SLIT3: variants seen among roughly 807,000 people sequenced by gnomAD.
SLIT3 encodes the protein slit homolog 3 protein.
A neutral mutation model predicts 184.0 loss-of-function variants in SLIT3; 68 were observed. The ratio of observed to expected loss-of-function variants is 0.37; its 90% CI spans 0.30 to 0.45. SLIT3 has a LOEUF of 0.45. Ranked by LOEUF, SLIT3 falls within the 20% of genes least tolerant of loss-of-function variation. The probability of loss-of-function intolerance (pLI) is 1.00; values close to 1 mark genes in which losing one functional copy is unlikely to be tolerated. For synonymous variants in SLIT3, 831 were observed against 828.6 expected, an observed-to-expected ratio of 1.00 and a Z score of -0.05; for missense variants, 1,707 against 2,026.0, an observed-to-expected ratio of 0.84 and a Z score of 3.02.
At chr5:169,021,020 G>C (rs2113489527) in intron 4 of SLIT3, among the ~76,000 whole-genome samples, 1 of 152,324 alleles carries the variant, frequency 6.6e-6, no homozygotes, top group South Asian at 2.1e-4. Flanking sequence ...GTTCTGAATA[G>C]AGTGTGACAG....
chr5:169,274,065 C>T (rs932153402), intron 1 of SLIT3, among the ~76,000 whole-genome samples: 6 of 152,164 alleles, frequency 3.9e-5, no homozygotes, highest in African/African-American at 9.7e-5. Context: ...ATGGGGTTCC[C>T]GGACCAGCAG....
chr5:169,256,104 T>C (rs1278612638), intron 1 of SLIT3, among the ~76,000 whole-genome samples: 1 of 152,148 alleles, frequency 6.6e-6, no homozygotes, highest in Non-Finnish European at 1.5e-5. Context: ...TATACTATTT[T>C]TTTTTTATCT....
rs747191242 is a variant in SLIT3 at position 168,669,958 on chromosome 5, G to A, written c.4161C>T (p.Thr1387=). ...CCTCGGCACACTTGCACATGTATGAGGTCCCAGTTGCCACACATTTTCCAT... is the reference window on the plus strand; with the variant it reads ...CCTCGGCACACTTGCACATGTATGAAGTCCCAGTTGCCACACATTTTCCAT... The part of the protein sequence containing the change: ...CHHGKCVATG[T]SYMCKCAEGY... Residue 1387 remains threonine, a synonymous_variant, in exon 35 of 36, where the codon ACC becomes ACT. Coordinates refer to ENST00000519560, the MANE Select transcript of SLIT3 (RefSeq NM_003062.4). 1.2e-6 allele frequency: 2 copies of A among 1,614,162 alleles called. No individual in the cohort carries two copies.
intron 4 of SLIT3, among the ~76,000 whole-genome samples, chr5:169,128,128 G>A (rs1310700262): frequency 6.6e-6 from 1 of 151,276 alleles, no homozygotes; most frequent in Non-Finnish European, 1.5e-5. Flanking sequence ...TTGAATGAAA[G>A]CATATTAAAA....
Position 169,300,801 on chromosome 5 carries a change from G to T in SLIT3, c.-92C>A. On this transcript the variant is annotated 5_prime_UTR_variant, in exon 1 of 36. Transcript: ENST00000519560. This position sits in a 1 kb window ranked among gnomAD's most constrained non-coding sequence, Gnocchi z 4.1. ...GCGCGCGGGGAGCGCGGGCGGCCTG[G>T]GGAGCGGGCGGCGGAGTTAGCGCGG... 8.3e-7 allele frequency: 1 copy of T among 1,209,512 alleles called. No individual in the cohort carries two copies. Among genetic ancestry groups the T allele is most frequent in the Middle Eastern group, 3.2e-4 (1 of 3,092 alleles). 74.9% of individuals were successfully genotyped at this position (1,209,512 alleles called of 1,614,324 possible).
chr5:168,952,642 G>A (rs201251017), intron 4 of SLIT3, among the ~76,000 whole-genome samples: 1 of 150,350 alleles, frequency 6.7e-6, no homozygotes, highest in African/African-American at 2.5e-5. Context: ...AAGAAAGAAA[G>A]GGCAAGGGTA....
chr5:168,786,571 C>T (rs910226650), intron 11 of SLIT3, among the ~76,000 whole-genome samples: 7 of 152,232 alleles, frequency 4.6e-5, no homozygotes, highest in South Asian at 2.1e-4. Flanking sequence ...ACTTTCTATC[C>T]GCTTTTCCTA....
chr5:168,735,337 A>C (rs556144064), intron 20 of SLIT3, among the ~76,000 whole-genome samples: 1 of 152,180 alleles, frequency 6.6e-6, no homozygotes, highest in Non-Finnish European at 1.5e-5. Flanking sequence ...ATGGAGAGGG[A>C]GGGAAGCCAC....
At chr5:168,857,021 A>G (rs1021572563) in intron 5 of SLIT3, among the ~76,000 whole-genome samples, 4 of 151,904 alleles carry the variant, frequency 2.6e-5, no homozygotes, top group Non-Finnish European at 4.4e-5. Flanking sequence ...GTTTTCCTTC[A>G]TGCTGTCTCT....
At chr5:169,212,023 G>T (rs1296943351) in intron 3 of SLIT3, among the ~76,000 whole-genome samples, 1 of 152,180 alleles carries the variant, frequency 6.6e-6, no homozygotes, top group Non-Finnish European at 1.5e-5. Context: ...GTGTATCATT[G>T]ATGGATATTT....
At chr5:168,690,593 C>T (rs1274535694) in intron 29 of SLIT3, among the ~76,000 whole-genome samples, 1 of 152,202 alleles carries the variant, frequency 6.6e-6, no homozygotes, top group Non-Finnish European at 1.5e-5. Context: ...GTATCCCATA[C>T]TTCGTAAAGA....
rs943919845 is a variant in SLIT3, at chr5:168,666,218, G to A, written c.*236C>T. On this transcript the variant is annotated 3_prime_UTR_variant, in exon 36 of 36. Transcript: ENST00000519560. ...CTTGGTAAAAATAACTCACTATATG[G>A]TACATATACGCAGATGGTGTAATAT... is the stretch of plus-strand genomic sequence containing the variant. The A allele has an allele frequency of 1.5e-5, 6 of 387,822 alleles. No homozygotes were observed. The highest frequency in any genetic ancestry group is 4.1e-5 in the Admixed American group (1 of 24,432). The allele number at this position is 387,822 out of a possible 1,614,324, so 24.0% of individuals were successfully genotyped here. A position where few individuals can be genotyped will look rare whatever the true frequency, so the allele number is the denominator to read the frequency against.
At chr5:168,761,324 C>G (rs74372208) in intron 15 of SLIT3, among the ~76,000 whole-genome samples, 1,916 of 152,138 alleles carry the variant, frequency 0.013, 35 homozygotes, top group African/African-American at 0.043. Flanking sequence ...CAGCTCCTTC[C>G]TAAGCACTTC....
At chr5:168,869,800 G>A (rs900586332) in intron 5 of SLIT3, among the ~76,000 whole-genome samples, 7 of 152,204 alleles carry the variant, frequency 4.6e-5, no homozygotes, top group African/African-American at 1.7e-4. Flanking sequence ...TGGCTAGGAA[G>A]TTTTCCTGGC....
chr5:168,804,513 T>C (rs1220588965), intron 9 of SLIT3, among the ~76,000 whole-genome samples: 1 of 151,936 alleles, frequency 6.6e-6, no homozygotes, highest in African/African-American at 2.4e-5. Flanking sequence ...TCTCTAAAGC[T>C]AGAGCACTGG....
chr5:169,229,938 A>G (rs533979337), intron 3 of SLIT3, among the ~76,000 whole-genome samples: 192 of 152,260 alleles, frequency 1.3e-3, no homozygotes, highest in African/African-American at 4.4e-3. Flanking sequence ...ATTCTTCTCA[A>G]TGAACCTGTG....
At chr5:169,223,660 T>C (rs979143414) in intron 3 of SLIT3, among the ~76,000 whole-genome samples, 4 of 152,224 alleles carry the variant, frequency 2.6e-5, no homozygotes, top group Non-Finnish European at 4.4e-5. Flanking sequence ...CTGTCTTTTA[T>C]TTCTCCTTGA....
In SLIT3 at chr5:168,902,782, C is replaced by T. The variant is rs186820864; in HGVS notation, c.414-19446G>A. ...CTTGCTGGGCAGAGGGGACACTGCA[C>T]GAGGATTCTGAGGTGGCTGAGCACA... is the stretch of plus-strand genomic sequence containing the variant. On this transcript the variant is annotated intron_variant, in intron 4 of 35. Transcript: ENST00000519560. 2.5e-4 allele frequency among the ~76,000 whole-genome samples: 38 copies of T among 152,198 alleles called. 1 individual carries two copies. The highest frequency in any genetic ancestry group is 8.9e-4 in the African/African-American group (37 of 41,536).
intron 5 of SLIT3, among the ~76,000 whole-genome samples, chr5:168,867,949 G>A (rs1759367560): frequency 6.6e-6 from 1 of 152,158 alleles, no homozygotes; most frequent in African/African-American, 2.4e-5. Context: ...TAGTTGAATG[G>A]GACCCACAGA....
Sources: allele counts gnomAD v4.1 joint callset (sites outside exome capture counted in the v4.1 genomes callset), GRCh38; gene constraint gnomAD v4.1.1; non-coding constraint Gnocchi (gnomAD v3.1); transcripts MANE v1.5; gene names NCBI Gene and HGNC (gene_info 2026-07-23, HGNC 2026-07-21).